The following CREB5 variants were observed in gnomAD, a reference collection of about 807,000 sequenced individuals.
CREB5 encodes the protein cAMP responsive element binding protein 5.
CREB5 carries 19 observed loss-of-function variants against 57.1 expected under a neutral mutation model. That is an observed-to-expected ratio of 0.33 (90% CI 0.23 to 0.49). The LOEUF (loss-of-function observed/expected upper bound fraction) is 0.49, where lower values mean the gene tolerates loss of function less well. Ranked by LOEUF, CREB5 falls within the 20% of genes least tolerant of loss-of-function variation. CREB5 has a pLI of 0.99. For missense variants in CREB5, 579 were observed against 671.6 expected, an observed-to-expected ratio of 0.86 and a Z score of 1.52; for synonymous variants, 238 against 238.3, an observed-to-expected ratio of 1.00 and a Z score of 0.01.
chr7:28,620,644 T>A (rs1432166933), intron 5 of CREB5, among the ~76,000 whole-genome samples: 1 of 152,180 alleles, frequency 6.6e-6, no homozygotes, highest in African/African-American at 2.4e-5. Flanking sequence ...CTCTTTTCCA[T>A]AACTGGCCTC....
At chr7:28,445,779 C>A (rs1199268614) in intron 1 of CREB5, among the ~76,000 whole-genome samples, 1 of 151,724 alleles carries the variant, frequency 6.6e-6, no homozygotes, top group Non-Finnish European at 1.5e-5. Context: ...TCTCGATCTT[C>A]TGACCTCATG....
chr7:28,492,939 C>CA (rs11450362), intron 2 of CREB5, among the ~76,000 whole-genome samples: 110,702 of 151,846 alleles, frequency 0.73, 40,920 homozygotes, highest in African/African-American at 0.81. Flanking sequence ...GAACCAGTAG[C>CA]AAAAAATCAT....
Position 28,570,483 on chromosome 7 carries a change from C to T in CREB5, c.410C>T (p.Ser137Leu), listed in dbSNP as rs746075945. 1.1e-4 allele frequency: 178 copies of T among 1,614,046 alleles called. No individual in the cohort carries two copies. The highest frequency in any genetic ancestry group is 1.3e-4 in the Non-Finnish European group (159 of 1,180,034). The change falls in exon 5 of 11, where the codon TCG becomes TTG. Residue 137 changes from serine (S) to leucine (L), a missense_variant. Physicochemically the swap from Ser to Leu is moderately radical, Grantham distance 145. Coordinates refer to ENST00000357727, the MANE Select transcript of CREB5 (RefSeq NM_182898.4). ...GTTGTGATTCAGCAAGCCATGCCGTCGCCTCAGTCCAGCTCTGTCATCACT... is the reference window on the plus strand; with the variant it reads ...GTTGTGATTCAGCAAGCCATGCCGTTGCCTCAGTCCAGCTCTGTCATCACT... ...TNVVIQQAMP[S>L]PQSSSVITQA... is the part of the protein sequence containing the mutation.
intron 4 of CREB5, among the ~76,000 whole-genome samples, chr7:28,560,061 T>C (rs1377708499): frequency 6.6e-6 from 1 of 152,226 alleles, no homozygotes; most frequent in Non-Finnish European, 1.5e-5. Flanking sequence ...TAAGATAATA[T>C]GTATGTTACT....
rs558980563 is a variant in CREB5, at chr7:28,808,025, T to C, written c.1027-1162T>C. Among the ~76,000 whole-genome samples the C allele has an allele frequency of 7.2e-5, 11 of 152,364 alleles. No homozygotes were observed. In the South Asian group the frequency reaches 2.1e-3, roughly 29 times the overall value. On this transcript the variant is annotated intron_variant, in intron 8 of 10. Coordinates refer to ENST00000357727, the MANE Select transcript of CREB5 (RefSeq NM_182898.4). The stretch of plus-strand genomic sequence containing the variant: ...GGACTCTATAAGCATAGTAAAACTT[T>C]TTAATAAAGTGCTTTGCCACTCAGG...
intron 1 of CREB5, among the ~76,000 whole-genome samples, chr7:28,392,079 AC>A (rs1183706790): frequency 2.0e-5 from 3 of 152,198 alleles, no homozygotes; most frequent in African/African-American, 7.2e-5. Context: ...TGGTGAGAAC[AC>A]ATGGACACAA....
intron 6 of CREB5, among the ~76,000 whole-genome samples, chr7:28,723,699 T>C (rs1161885014): frequency 6.6e-6 from 1 of 152,166 alleles, no homozygotes; most frequent in Non-Finnish European, 1.5e-5. Context: ...AAACTAATTA[T>C]TTTGATTGCC....
intron 4 of CREB5, among the ~76,000 whole-genome samples, chr7:28,523,257 C>G (rs2128617436): frequency 6.6e-6 from 1 of 152,094 alleles, no homozygotes; most frequent in East Asian, 1.9e-4. Context: ...ATAAGCCGTG[C>G]TATGTATTAA....
At chr7:28,366,134 C>T (rs973095870) in intron 1 of CREB5, among the ~76,000 whole-genome samples, 1 of 152,062 alleles carries the variant, frequency 6.6e-6, no homozygotes, top group South Asian at 2.1e-4. Context: ...TCAACTTCAC[C>T]CGCAAAAAAT....
chr7:28,770,204 C>T (rs914151328), intron 7 of CREB5, among the ~76,000 whole-genome samples: 1 of 152,194 alleles, frequency 6.6e-6, no homozygotes, highest in African/African-American at 2.4e-5. Context: ...GTTAATATGA[C>T]AGGGCTTCAG....
At chr7:28,374,528 C>T (rs1459024474) in intron 1 of CREB5, among the ~76,000 whole-genome samples, 4 of 152,148 alleles carry the variant, frequency 2.6e-5, no homozygotes, top group Admixed American at 6.6e-5. Flanking sequence ...GAACAAACTA[C>T]TGATACATGA....
intron 5 of CREB5, among the ~76,000 whole-genome samples, chr7:28,608,486 C>A (rs1797254241): frequency 3.3e-5 from 5 of 152,022 alleles, no homozygotes. Context: ...TCAGAGCCAG[C>A]AGAATTTGGT....
chr7:28,376,417 T>C (rs1421578650), intron 1 of CREB5, among the ~76,000 whole-genome samples: 2 of 151,938 alleles, frequency 1.3e-5, no homozygotes, highest in African/African-American at 4.8e-5. Context: ...TACGGGTGTG[T>C]GCTGCCACAC....
intron 4 of CREB5, among the ~76,000 whole-genome samples, chr7:28,563,124 T>C (rs1303507873): frequency 6.6e-6 from 1 of 152,230 alleles, no homozygotes; most frequent in African/African-American, 2.4e-5. Flanking sequence ...AAATGAGTTT[T>C]CTGACATACA....
At chr7:28,784,419 G>A (rs1807185950) in intron 7 of CREB5, among the ~76,000 whole-genome samples, 1 of 151,972 alleles carries the variant, frequency 6.6e-6, no homozygotes, top group Non-Finnish European at 1.5e-5. Flanking sequence ...CACAGCAGGG[G>A]GAAAGTGGAA....
At chr7:28,344,520 G>A (rs1343080731) in intron 1 of CREB5, among the ~76,000 whole-genome samples, 3 of 152,144 alleles carry the variant, frequency 2.0e-5, no homozygotes, top group African/African-American at 7.2e-5. Context: ...CTGTTTGTAT[G>A]CTAGTACTAT....
chr7:28,814,021 C>T (rs974989937), intron 9 of CREB5, among the ~76,000 whole-genome samples: 6 of 152,278 alleles, frequency 3.9e-5, no homozygotes, highest in Admixed American at 2.6e-4. Context: ...TGATTTTCCT[C>T]AATTTATAAA....
intron 5 of CREB5, among the ~76,000 whole-genome samples, chr7:28,600,849 G>T (rs778919787): frequency 2.0e-5 from 3 of 152,154 alleles, no homozygotes; most frequent in Admixed American, 1.3e-4. Context: ...GTGGGACTCA[G>T]TCACTATTCA....
intron 7 of CREB5, among the ~76,000 whole-genome samples, chr7:28,767,398 A>G (rs990303922): frequency 1.3e-5 from 2 of 152,196 alleles, no homozygotes; most frequent in Admixed American, 6.5e-5. Context: ...TATTCATGAC[A>G]TTATTTTCTT....
Sources: allele counts gnomAD v4.1 joint callset (sites outside exome capture counted in the v4.1 genomes callset), GRCh38; gene constraint gnomAD v4.1.1; transcripts MANE v1.5; gene names NCBI Gene and HGNC (gene_info 2026-07-23, HGNC 2026-07-21).